The following PCDHGA4 variants were observed in gnomAD, a reference collection of about 807,000 sequenced individuals.
The protein encoded by PCDHGA4 is protocadherin gamma subfamily A, 4.
Under a neutral mutation model 54.6 loss-of-function variants are expected in PCDHGA4, and 38 were observed. That is an observed-to-expected ratio of 0.70 (90% CI 0.54 to 0.91). The LOEUF is 0.91. PCDHGA4 is among the 40% of genes least tolerant of loss of function. The probability of loss-of-function intolerance (pLI) is 0.00; values close to 1 mark genes in which losing one functional copy is unlikely to be tolerated. For missense variants in PCDHGA4, 1,298 were observed against 1,220.9 expected (o/e 1.06, Z -0.94); for synonymous variants, 511 against 512.9 (o/e 1.00, Z 0.05).
At chr5:141,399,464 C>T (rs747827208) in intron 1 of PCDHGA4, 4 of 1,614,018 alleles carry the variant, frequency 2.5e-6, no homozygotes, top group South Asian at 1.1e-5. Flanking sequence ...GATAACGCTC[C>T]GGTTTTCCAC....
intron 1 of PCDHGA4, among the ~76,000 whole-genome samples, chr5:141,387,513 TA>T (rs1226986342): frequency 5.3e-5 from 8 of 152,366 alleles, no homozygotes; most frequent in East Asian, 3.9e-4. Flanking sequence ...TAGACGTCAT[TA>T]AATATACAGA....
rs769801850 is a variant in PCDHGA4 at position 141,371,052 on chromosome 5, C to G, written c.2514+13431C>G. On this transcript the variant is annotated intron_variant, in intron 1 of 3. Coordinates refer to ENST00000571252, the MANE Select transcript of PCDHGA4 (RefSeq NM_018917.4). The stretch of plus-strand genomic sequence containing the variant: ...CCTCACAGCTGTGGATGGGGGCGAG[C>G]CCTCCAGAAGCTGTACCACCCAGAT... 6.0e-5 allele frequency: 97 copies of G among 1,613,842 alleles called. No individual in the cohort carries two copies. The South Asian group carries it at 1.1e-3, about 18-fold the overall frequency.
intron 1 of PCDHGA4, chr5:141,362,516 G>T: frequency 6.2e-7 from 1 of 1,613,984 alleles, no homozygotes; most frequent in Non-Finnish European, 8.5e-7. Context: ...ACAAATCATG[G>T]AGCCGCTGGG....
chr5:141,407,601 A>G (rs886898088), intron 1 of PCDHGA4, among the ~76,000 whole-genome samples: 3 of 152,168 alleles, frequency 2.0e-5, no homozygotes, highest in African/African-American at 7.2e-5. Flanking sequence ...CATCTTAAAA[A>G]GAAGCATTGG....
chr5:141,435,104 G>A (rs1009839042), intron 1 of PCDHGA4, among the ~76,000 whole-genome samples: 1 of 151,968 alleles, frequency 6.6e-6, no homozygotes, highest in Non-Finnish European at 1.5e-5. Flanking sequence ...TTATCTAGGG[G>A]GGAGAAATCT....
At chr5:141,478,617 G>T in intron 1 of PCDHGA4, 1 of 1,556,398 alleles carries the variant, frequency 6.4e-7, no homozygotes, top group South Asian at 1.2e-5. Context: ...AGGAAGGAAT[G>T]GAGCTGTTTT....
chr5:141,389,602 T>G, intron 1 of PCDHGA4: 2 of 1,613,170 alleles, frequency 1.2e-6, no homozygotes, highest in African/African-American at 2.7e-5. Flanking sequence ...TCTGCGCTCT[T>G]CGATATGGTG....
At chr5:141,389,572 C>T in intron 1 of PCDHGA4, 3 of 1,613,282 alleles carry the variant, frequency 1.9e-6, no homozygotes, top group Non-Finnish European at 2.5e-6. Flanking sequence ...GTGCTGTACC[C>T]CGCGCTGGGT....
intron 1 of PCDHGA4, chr5:141,370,436 G>T: frequency 6.2e-7 from 1 of 1,604,136 alleles, no homozygotes; most frequent in Non-Finnish European, 8.5e-7. Context: ...CAGGGCAGAG[G>T]CGAATGCTAT....
intron 1 of PCDHGA4, chr5:141,362,520 C>T (rs201116803): frequency 1.3e-4 from 210 of 1,613,870 alleles, no homozygotes; most frequent in Non-Finnish European, 1.7e-4. Context: ...ATCATGGAGC[C>T]GCTGGGGTCC....
At chr5:141,484,908 G>T in intron 1 of PCDHGA4, 1 of 415,428 alleles carries the variant, frequency 2.4e-6, no homozygotes, top group East Asian at 4.2e-5. Context: ...ATGCTGCGAC[G>T]CATTAACCCT....
At chr5:141,373,534 T>C (rs1191585178) in intron 1 of PCDHGA4, among the ~76,000 whole-genome samples, 1 of 152,172 alleles carries the variant, frequency 6.6e-6, no homozygotes, top group East Asian at 1.9e-4. Flanking sequence ...AAAAAAGTGT[T>C]TGTGGTTGTT....
At chr5:141,420,275 G>T in intron 1 of PCDHGA4, 1 of 1,524,576 alleles carries the variant, frequency 6.6e-7, no homozygotes, top group Non-Finnish European at 8.9e-7. Flanking sequence ...TCTTAAACAG[G>T]TAAGTATTTA....
Position 141,487,203 on chromosome 5 carries a change from G to A in PCDHGA4, c.2515-7604G>A, listed in dbSNP as rs765707343. 6.8e-6 allele frequency: 11 copies of A among 1,613,804 alleles called. No homozygotes were observed. The highest frequency in any genetic ancestry group is 5.3e-5 in the African/African-American group (4 of 74,890). The stretch of plus-strand genomic sequence containing the variant: ...ACTCATCCAGTTGTCCCAGATCTTC[G>A]AGAATCTTCAGCTCCAAGGGAAGGA... On this transcript the variant is annotated intron_variant, in intron 1 of 3. Transcript: ENST00000571252. This position sits in a 1 kb window ranked among gnomAD's most constrained non-coding sequence, Gnocchi z 5.0.
rs1406362621 is a variant in PCDHGA4, at chr5:141,477,099, G to A, written c.2515-17708G>A. On this transcript the variant is annotated intron_variant, in intron 1 of 3. Transcript: ENST00000571252. This position sits in a 1 kb window ranked among gnomAD's most constrained non-coding sequence, Gnocchi z 4.9. ...ATTTACATCCAGGCCAAAGACAAGG[G>A]CGCCAATCCCGAAGGAGCACATTGC... The A allele has an allele frequency of 6.2e-7, 1 of 1,614,256 alleles. No individual in the cohort carries two copies. Among genetic ancestry groups the A allele is most frequent in the Non-Finnish European group, 8.5e-7 (1 of 1,180,054 alleles).
chr5:141,432,053 C>T lies in PCDHGA4; in HGVS notation c.2515-62754C>T. The T allele has an allele frequency of 6.2e-7, 1 of 1,614,240 alleles. No homozygotes were observed. Among genetic ancestry groups the T allele is most frequent in the South Asian group, 1.1e-5 (1 of 91,082 alleles). ...CGCCACTGACCGGGGAACCCCGCCC[C>T]TATCCACGGAAACTCATATCTCGCT... On this transcript the variant is annotated intron_variant, in intron 1 of 3. Transcript: ENST00000571252. The surrounding 1 kb of genome is among the most constrained non-coding windows in gnomAD (Gnocchi z 6.0).
At chr5:141,368,210 C>A (rs1293678228) in intron 1 of PCDHGA4, among the ~76,000 whole-genome samples, 5 of 152,078 alleles carry the variant, frequency 3.3e-5, no homozygotes, top group Admixed American at 6.5e-5. Flanking sequence ...TAAAATATTA[C>A]AAATGGGATA....
At chr5:141,389,426 G>C (rs868246317) in intron 1 of PCDHGA4, 1 of 1,613,498 alleles carries the variant, frequency 6.2e-7, no homozygotes, top group Non-Finnish European at 8.5e-7. Context: ...TGGTGTTCGC[G>C]CAGCGCGCCT....
At chr5:141,436,778 G>A (rs2097846346) in intron 1 of PCDHGA4, among the ~76,000 whole-genome samples, 1 of 152,154 alleles carries the variant, frequency 6.6e-6, no homozygotes, top group African/African-American at 2.4e-5. Flanking sequence ...ATTTGTGGAT[G>A]GAAATAAAAC....
Sources: allele counts gnomAD v4.1 joint callset (sites outside exome capture counted in the v4.1 genomes callset), GRCh38; gene constraint gnomAD v4.1.1; non-coding constraint Gnocchi (gnomAD v3.1); transcripts MANE v1.5; gene names NCBI Gene and HGNC (gene_info 2026-07-23, HGNC 2026-07-21).